The following TMEM223 variants were observed in gnomAD, a reference collection of about 807,000 sequenced individuals.
TMEM223 encodes the protein transmembrane protein 223.
A neutral mutation model predicts 14.1 loss-of-function variants in TMEM223; 14 were observed. The ratio of observed to expected loss-of-function variants is 0.99; its 90% confidence interval spans 0.66 to 1.55. The LOEUF is 1.55. Among genes scored for constraint, TMEM223 ranks in the 40% most tolerant of loss-of-function variants. TMEM223 has a pLI of 0.00. For synonymous variants in TMEM223, 145 were observed against 120.5 expected, an observed-to-expected ratio of 1.20 and a Z score of -1.33; for missense variants, 346 against 269.9, an observed-to-expected ratio of 1.28 and a Z score of -1.97.
At chr11:62,772,277 T>G in intron 2 of TMEM223, 1 of 373,292 alleles carries the variant, frequency 2.7e-6, no homozygotes, top group Non-Finnish European at 5.4e-6. Context: ...ATCCTAGCAC[T>G]TTGGGAGGCC....
downstream of TMEM223, chr11:62,786,752 G>A (rs377750789): frequency 4.3e-6 from 7 of 1,613,052 alleles, no homozygotes; most frequent in South Asian, 4.4e-5. Context: ...GACATCTACC[G>A]GGAGCTCTAC....
downstream of TMEM223, chr11:62,789,450 T>C (rs1166224532): frequency 1.2e-6 from 2 of 1,613,520 alleles, no homozygotes; most frequent in South Asian, 2.2e-5. Flanking sequence ...GAGGGAAGCC[T>C]GGCTGGGGCT....
At chr11:62,778,487 G>A in intron 1 of TMEM223, 1 of 892,034 alleles carries the variant, frequency 1.1e-6, no homozygotes, top group South Asian at 1.5e-5. Context: ...GCTCTGCATG[G>A]AGGGCTCAGA....
At position 62,791,680 on chromosome 11, in the gene TMEM223, G is replaced by A. The variant is rs1432116845; in HGVS notation, c.315C>T (p.Ile105=). ...GTGGGAAGCCAGCCCACGTCTTACCGATGGCGCCGCAGCCGACGGCCAGAC... is the reference window on the plus strand; with the variant it reads ...GTGGGAAGCCAGCCCACGTCTTACCAATGGCGCCGCAGCCGACGGCCAGAC... The part of the protein sequence containing the change: ...RYGLAVGCGA[I]GALVLGAGLL... Residue 105 remains isoleucine (I), a splice_region_variant and synonymous_variant, in exon 1 of 2, where the codon ATC becomes ATT. Coordinates refer to ENST00000307366, the MANE Select transcript of TMEM223 (RefSeq NM_001080501.3). The A allele has an allele frequency of 3.3e-6, 5 of 1,530,616 alleles. No individual in the cohort carries two copies. The Admixed American group carries it at 6.0e-5, about 18-fold the overall frequency. The allele number at this position is 1,530,616 out of a possible 1,614,324, so 94.8% of individuals were successfully genotyped here. A position where few individuals can be genotyped will look rare whatever the true frequency, so the allele number is the denominator to read the frequency against.
At chr11:62,774,741 C>T in intron 1 of TMEM223, 1 of 444,252 alleles carries the variant, frequency 2.3e-6, no homozygotes, top group South Asian at 1.6e-5. Context: ...GCAGAAAGCC[C>T]AGCTACTATC....
At chr11:62,789,459 C>T (rs546844254), downstream of TMEM223, 1 of 1,613,320 alleles carries the variant, frequency 6.2e-7, no homozygotes, top group African/African-American at 1.3e-5. Context: ...CTGGCTGGGG[C>T]TGACTACCTT....
At chr11:62,781,239 G>GA (rs572508048) in intron 1 of TMEM223, among the ~76,000 whole-genome samples, 67 of 105,354 alleles carry the variant, frequency 6.4e-4, no homozygotes, top group Admixed American at 1.1e-3. Flanking sequence ...CCATCTCAAA[G>GA]AAAAAAAAAA....
intron 1 of TMEM223, chr11:62,778,428 CAT>C (rs933530527): frequency 7.0e-5 from 102 of 1,448,422 alleles, no homozygotes; most frequent in Admixed American, 5.3e-4. Context: ...CTGCGTCTAA[CAT>C]GTGTTTACCC....
chr11:62,784,924 CAG>C (rs1394836842), downstream of TMEM223, among the ~76,000 whole-genome samples: 1 of 152,156 alleles, frequency 6.6e-6, no homozygotes, highest in Admixed American at 6.5e-5. Context: ...GTTTTAGAAT[CAG>C]GGTTATACTG....
At chr11:62,786,700 G>A (rs1190552955), downstream of TMEM223, 1 of 1,612,682 alleles carries the variant, frequency 6.2e-7, no homozygotes, top group Non-Finnish European at 8.5e-7. Context: ...GCCGCCAGGG[G>A]GCGCGGGGCC....
chr11:62,776,498 T>C, intron 1 of TMEM223: 1 of 1,609,188 alleles, frequency 6.2e-7, no homozygotes, highest in South Asian at 1.1e-5. Context: ...TACAGAGGGC[T>C]CAGGTGGCAT....
chr11:62,776,528 G>GT, intron 1 of TMEM223: 1 of 1,551,744 alleles, frequency 6.4e-7, no homozygotes. Context: ...TCCATGTCCA[G>GT]TTCAGGGCTG....
chr11:62,790,403 C>T lies in TMEM223; in HGVS notation c.*220G>A. 1 of 571,176 alleles carries T rather than the reference C, an allele frequency of 1.8e-6. No homozygotes were observed. Among genetic ancestry groups the T allele is most frequent in the Non-Finnish European group, 3.0e-6 (1 of 328,926 alleles). 35.4% of individuals were successfully genotyped at this position (571,176 alleles called of 1,614,324 possible). A position where few individuals can be genotyped will look rare whatever the true frequency, so the allele number is the denominator to read the frequency against. On this transcript the variant is annotated 3_prime_UTR_variant, in exon 2 of 2. Coordinates refer to ENST00000307366, the MANE Select transcript of TMEM223 (RefSeq NM_001080501.3). Reference sequence around the variant, plus strand: ...TGAATCTTGACCTCCTTGTGTGACCCTGGTTGTTACTCCATTCTAAGATTG... The same window carrying T: ...TGAATCTTGACCTCCTTGTGTGACCTTGGTTGTTACTCCATTCTAAGATTG...
chr11:62,787,147 C>T (rs867380879), downstream of TMEM223: 7 of 1,570,434 alleles, frequency 4.5e-6, no homozygotes, highest in Admixed American at 1.8e-5. Flanking sequence ...GAGGCGCTGC[C>T]GCGGGCGCCT....
At position 62,790,236 on chromosome 11, in the gene TMEM223, T is replaced by C. The variant is rs1013794918; in HGVS notation, c.*387A>G. ...TTTGTACCAAAATATTATATTACTG[T>C]CTTCATCTTAGTAGTGAGTTTTTGA... On this transcript the variant is annotated 3_prime_UTR_variant, in exon 2 of 2. Transcript: ENST00000307366. 1.5e-6 allele frequency: 1 copy of C among 647,306 alleles called. No homozygotes were observed. The highest frequency in any genetic ancestry group is 2.5e-6 in the Non-Finnish European group (1 of 397,086). The allele number at this position is 647,306 out of a possible 1,614,324, so 40.1% of individuals were successfully genotyped here.
At chr11:62,789,658 C>T (rs1283501144), downstream of TMEM223, 2 of 1,549,292 alleles carry the variant, frequency 1.3e-6, no homozygotes, top group African/African-American at 1.4e-5. Flanking sequence ...TGCAGTTTTA[C>T]TCCAACCTAC....
chr11:62,790,572 G>T lies in TMEM223; in HGVS notation c.*51C>A, dbSNP rs550678956. On this transcript the variant is annotated 3_prime_UTR_variant, in exon 2 of 2. Coordinates refer to ENST00000307366, the MANE Select transcript of TMEM223 (RefSeq NM_001080501.3). ...GAACCAACACACCTGGCTCCCCAAG[G>T]TTCAGTTTTTATCCTCCTCTTGGAG... The T allele has an allele frequency of 1.4e-5, 22 of 1,520,452 alleles. No individual in the cohort carries two copies. Among genetic ancestry groups the T allele is most frequent in the South Asian group, 1.4e-4 (11 of 80,446 alleles). The allele number at this position is 1,520,452 out of a possible 1,614,324, so 94.2% of individuals were successfully genotyped here. A position where few individuals can be genotyped will look rare whatever the true frequency, so the allele number is the denominator to read the frequency against.
At chr11:62,777,473 G>C (rs766416096) in intron 1 of TMEM223, among the ~76,000 whole-genome samples, 1 of 152,164 alleles carries the variant, frequency 6.6e-6, no homozygotes, top group Non-Finnish European at 1.5e-5. Flanking sequence ...CCAGAGGTTA[G>C]AGAAAGCTTT....
chr11:62,786,408 A>AGCCTCCCTTCCC (rs1402960557), downstream of TMEM223: 4 of 1,608,884 alleles, frequency 2.5e-6, no homozygotes, highest in Non-Finnish European at 2.6e-6. Context: ...GTCCCCTTCC[A>AGCCTCCCTTCCC]GCCTCCCTTC....
Sources: gnomAD v4.1 joint callset for allele counts (sites outside exome capture counted in the v4.1 genomes callset) on GRCh38, gnomAD v4.1.1 for gene constraint, MANE v1.5 for transcripts, NCBI Gene and HGNC (gene_info 2026-07-23, HGNC 2026-07-21) for gene names.